CC2D2A: variants seen among roughly 807,000 people sequenced by gnomAD.
The protein encoded by CC2D2A is coiled-coil and C2 domain containing 2A.
In CC2D2A, 155 loss-of-function variants were observed where a neutral mutation model predicts 212.9. That is an observed-to-expected ratio of 0.73 (90% CI 0.64 to 0.83). The LOEUF is 0.83. Ranked by LOEUF, CC2D2A falls within the 40% of genes least tolerant of loss-of-function variation. The pLI is 0.00. For synonymous variants in CC2D2A, 667 were observed against 686.5 expected (o/e 0.97, Z 0.44); for missense variants, 1,856 against 1,956.2 (o/e 0.95, Z 0.97).
intron 35 of CC2D2A, among the ~76,000 whole-genome samples, chr4:15,598,506 T>C (rs1313479273): frequency 6.6e-6 from 1 of 152,246 alleles, no homozygotes; most frequent in South Asian, 2.1e-4. Context: ...AAGGTTATTA[T>C]TGAGATTAAA....
chr4:15,493,245 ATTATTTAT>A (rs58220743), intron 4 of CC2D2A, among the ~76,000 whole-genome samples: 153 of 148,368 alleles, frequency 1.0e-3, no homozygotes, highest in Non-Finnish European at 1.6e-3. Context: ...CACTTTATTT[ATTATTTAT>A]TTATTTATTT....
chr4:15,517,915 GT>G (rs1454980775), intron 11 of CC2D2A, among the ~76,000 whole-genome samples: 1 of 152,104 alleles, frequency 6.6e-6, no homozygotes, highest in Non-Finnish European at 1.5e-5. Context: ...GGAAACTCCC[GT>G]TTATAAAACC....
chr4:15,576,260 A>G, intron 29 of CC2D2A: 1 of 324,742 alleles, frequency 3.1e-6, no homozygotes, highest in Non-Finnish European at 4.4e-6. Context: ...GCAGTGGCAG[A>G]AAACACTGCT....
intron 29 of CC2D2A, among the ~76,000 whole-genome samples, chr4:15,578,807 TGTTTG>T (rs759615041): frequency 6.0e-4 from 73 of 121,468 alleles, no homozygotes; most frequent in Middle Eastern, 4.0e-3. Context: ...TTTGTTTGTT[TGTTTG>T]TTTGTTTTTA....
chr4:15,553,596 A>G (rs1210354771), intron 19 of CC2D2A, among the ~76,000 whole-genome samples: 1 of 152,188 alleles, frequency 6.6e-6, no homozygotes, highest in African/African-American at 2.4e-5. Flanking sequence ...CCCCTATTTT[A>G]CAGATGGGGG....
intron 1 of CC2D2A, among the ~76,000 whole-genome samples, chr4:15,472,851 A>T (rs1215428456): frequency 1.3e-5 from 2 of 152,154 alleles, no homozygotes; most frequent in African/African-American, 2.4e-5. Context: ...ATAGAATTTC[A>T]GATGCTTTAT....
Position 15,537,039 on chromosome 4 carries a change from C to T in CC2D2A, c.1727C>T (p.Thr576Met), listed in dbSNP as rs767766478. The T allele has an allele frequency of 3.7e-6, 6 of 1,613,404 alleles. No individual in the cohort carries two copies. In the South Asian group the frequency reaches 5.5e-5, roughly 15 times the overall value. The change falls in exon 15 of 37, where the codon ACG becomes ATG. Residue 576 changes from threonine (T) to methionine (M), a missense_variant. By Grantham distance (81) the Thr-to-Met change is moderately conservative (BLOSUM62 -1). This residue lies in a region of CC2D2A where 1,512 missense variants were observed against 1,579.3 expected (regional missense o/e 0.96). Transcript: ENST00000424120. Reference sequence around the variant, plus strand: ...GCACAGAAGATGGAAGAATACAGAACGTCGTTACAACAGTGGAAGGCCTGG... The same window carrying T: ...GCACAGAAGATGGAAGAATACAGAATGTCGTTACAACAGTGGAAGGCCTGG... The part of the protein sequence containing the change: ...EYAQKMEEYR[T>M]SLQQWKAWRK...
At chr4:15,558,475 C>A (rs35151159) in intron 21 of CC2D2A, among the ~76,000 whole-genome samples, 20,565 of 152,052 alleles carry the variant, frequency 0.14, 1,480 homozygotes, top group Non-Finnish European at 0.15. Context: ...GACCCTTCTC[C>A]ATCCTCTCTA....
chr4:15,587,900 T>G lies in CC2D2A; in HGVS notation c.4150T>G (p.Trp1384Gly), dbSNP rs562686526. The change falls in exon 32 of 37, where the codon TGG becomes GGG. Residue 1384 changes from tryptophan (W) to glycine (G), a missense_variant. Trp to Gly is a radical substitution (Grantham distance 184). Around this residue, in one of 5 missense-constraint regions of CC2D2A, gnomAD observed 3 missense variants for 16.2 expected, o/e 0.19. Transcript: ENST00000424120. Reference protein sequence around the residue: ...NYFLSLGKKAWLLMGNAIPEG... With the variant: ...NYFLSLGKKAGLLMGNAIPEG... ...CTTTCTGTCTCTGGGTAAGAAGGCC[T>G]GGCTGTTGATGGGCAATGCTATTCC... is the stretch of plus-strand genomic sequence containing the variant. 1 of 1,611,230 alleles carries G rather than the reference T, an allele frequency of 6.2e-7. No individual in the cohort carries two copies. The highest frequency in any genetic ancestry group is 1.3e-5 in the African/African-American group (1 of 74,882).
At chr4:15,600,580 C>A (rs1721543297) in intron 36 of CC2D2A, among the ~76,000 whole-genome samples, 1 of 152,254 alleles carries the variant, frequency 6.6e-6, no homozygotes, top group East Asian at 1.9e-4. Flanking sequence ...ACTTGCCCAT[C>A]CCCGTGGATC....
At chr4:15,550,446 C>G (rs911648360) in intron 17 of CC2D2A, among the ~76,000 whole-genome samples, 1 of 152,254 alleles carries the variant, frequency 6.6e-6, no homozygotes, top group Non-Finnish European at 1.5e-5. Context: ...CATGTCCTTA[C>G]TGTCCCACCC....
intron 1 of CC2D2A, among the ~76,000 whole-genome samples, chr4:15,475,504 G>GTGGC (rs1178041358): frequency 1.3e-5 from 2 of 152,164 alleles, no homozygotes; most frequent in African/African-American, 4.8e-5. Context: ...AGCAGAGGAG[G>GTGGC]TGGCGGTGGC....
rs180987891 is a variant in CC2D2A, at chr4:15,527,604, A to T, written c.1307A>T (p.Asp436Val). Reference sequence around the variant, plus strand: ...GCAGCCAAGCTGGCCCAGTTATATGACCAGTACCTTGCAAGACACCAGAGA... The same window carrying T: ...GCAGCCAAGCTGGCCCAGTTATATGTCCAGTACCTTGCAAGACACCAGAGA... ...VLAAKLAQLY[D>V]QYLARHQRNK... The change falls in exon 12 of 37, where the codon GAC (aspartate) becomes GTC (valine). Residue 436 changes from aspartate to valine, a missense_variant. Transcript: ENST00000424120. The T allele has an allele frequency of 1.2e-6, 2 of 1,613,136 alleles. No individual in the cohort carries two copies. The highest frequency in any genetic ancestry group is 3.3e-5 in the Admixed American group (2 of 59,940).
chr4:15,580,458 C>T (rs914295231), intron 30 of CC2D2A, among the ~76,000 whole-genome samples: 8 of 151,862 alleles, frequency 5.3e-5, no homozygotes, highest in African/African-American at 7.3e-5. Flanking sequence ...GCCAACATGG[C>T]GAAACCCCAT....
chr4:15,583,333 C>T (rs981743040), intron 30 of CC2D2A, among the ~76,000 whole-genome samples: 1 of 152,120 alleles, frequency 6.6e-6, no homozygotes, highest in Non-Finnish European at 1.5e-5. Context: ...AAAGTTCTAG[C>T]TAGAGCAATG....
At position 15,540,966 on chromosome 4, in the gene CC2D2A, G is replaced by C. The variant is rs886059139; in HGVS notation, c.2133G>C (p.Gln711His). 23 of 1,553,140 alleles carry C rather than the reference G, an allele frequency of 1.5e-5. No individual in the cohort carries two copies. Among genetic ancestry groups the C allele is most frequent in the Non-Finnish European group, 1.8e-5 (21 of 1,148,162 alleles). ...LGADFRVHFG[Q>H]IFNLQIVNWP... ...CAGACTTCCGAGTTCACTTTGGGCA[G>C]ATTTTCAATTTGCAAATAGTCAACT... The change falls in exon 17 of 37, where the codon CAG becomes CAC. Residue 711 changes from glutamine to histidine, a missense_variant. Coordinates refer to ENST00000424120, the MANE Select transcript of CC2D2A (RefSeq NM_001378615.1).
chr4:15,538,281 TATTAGGTTGAACCACATGAA>T (rs1292189745), intron 16 of CC2D2A, 144 bp downstream of exon 16: 9 of 935,288 alleles, frequency 9.6e-6, no homozygotes, highest in Non-Finnish European at 1.4e-5. Flanking sequence ...TCTAAATGAA[TATTAGGTTGAACCACATGAA>T]ATTGCTGACA....
intron 3 of CC2D2A, chr4:15,479,147 T>G: frequency 9.8e-7 from 1 of 1,025,040 alleles, no homozygotes; most frequent in East Asian, 2.6e-5. Flanking sequence ...GGGCAGTAGA[T>G]GGCAGTACAC....
At chr4:15,475,043 A>G (rs1204998066) in intron 1 of CC2D2A, among the ~76,000 whole-genome samples, 2 of 152,222 alleles carry the variant, frequency 1.3e-5, no homozygotes, top group Non-Finnish European at 1.5e-5. Context: ...TGTGAGGCCC[A>G]GGCAGGCGGA....
Sources: gnomAD v4.1 joint callset for allele counts (sites outside exome capture counted in the v4.1 genomes callset) on GRCh38, gnomAD v4.1.1 for gene constraint, gnomAD v4.1.1 regional missense constraint, MANE v1.5 for transcripts, NCBI Gene and HGNC (gene_info 2026-07-23, HGNC 2026-07-21) for gene names.